The following LRRC7 variants were observed in gnomAD, a reference collection of about 807,000 sequenced individuals.
LRRC7 encodes the protein leucine rich repeat containing 7, also known as leucine-rich repeat-containing protein 7.
In LRRC7, 23 loss-of-function variants were observed where a neutral mutation model predicts 175.7. That is an observed-to-expected ratio of 0.13 (90% CI 0.09 to 0.19). The LOEUF is 0.19. Ranked by LOEUF, LRRC7 falls within the 10% of genes least tolerant of loss-of-function variation. The pLI, the probability that LRRC7 is intolerant of heterozygous loss-of-function variation, is 1.00. For synonymous variants in LRRC7, 685 were observed against 680.9 expected (o/e 1.01, Z -0.09); for missense variants, 1,354 against 1,904.7 (o/e 0.71, Z 5.38).
intron 5 of LRRC7, among the ~76,000 whole-genome samples, chr1:69,826,709 G>C (rs550196538): frequency 2.6e-5 from 4 of 152,084 alleles, no homozygotes; most frequent in African/African-American, 9.7e-5. Context: ...AAAATTCCTC[G>C]ATCTTTTGTC....
intron 1 of LRRC7, among the ~76,000 whole-genome samples, chr1:69,618,056 C>A (rs531988885): frequency 6.6e-6 from 1 of 152,058 alleles, no homozygotes. Context: ...ATCCCTACTA[C>A]GGTGGTGGTG....
chr1:69,894,364 C>A (rs1645920701), intron 7 of LRRC7, among the ~76,000 whole-genome samples: 1 of 152,140 alleles, frequency 6.6e-6, no homozygotes, highest in South Asian at 2.1e-4. Context: ...AATTACTATG[C>A]ACAGCTGAAT....
chr1:69,624,921 T>C (rs931477653), intron 1 of LRRC7, among the ~76,000 whole-genome samples: 1 of 152,104 alleles, frequency 6.6e-6, no homozygotes, highest in African/African-American at 2.4e-5. Context: ...ATTTATACCA[T>C]TTGTGAGAAT....
intron 2 of LRRC7, chr1:69,716,025 G>A (rs1047859640): frequency 5.2e-6 from 2 of 381,302 alleles, no homozygotes; most frequent in Non-Finnish European, 9.7e-6. Flanking sequence ...GACAATTAGG[G>A]AAGCATCTGA....
chr1:70,026,429 T>C (rs1658105336), intron 17 of LRRC7, among the ~76,000 whole-genome samples: 2 of 152,288 alleles, frequency 1.3e-5, no homozygotes, highest in South Asian at 4.1e-4. Flanking sequence ...TATACTTAAT[T>C]TGTGATTAAC....
intron 8 of LRRC7, among the ~76,000 whole-genome samples, chr1:69,972,048 G>A (rs180677053): frequency 2.6e-5 from 4 of 152,126 alleles, no homozygotes; most frequent in South Asian, 2.1e-4. Context: ...AACAAATAGC[G>A]CTGGGATAAT....
At position 69,929,458 on chromosome 1, in the gene LRRC7, T is replaced by G. The variant is rs574400215; in HGVS notation, c.648-2049T>G. ...TAGTTGTTCAGACCAAAACACACCTTTAGTCACAGTCAGCTCTCATTCCCC... is the reference window on the plus strand; with the variant it reads ...TAGTTGTTCAGACCAAAACACACCTGTAGTCACAGTCAGCTCTCATTCCCC... On this transcript the variant is annotated intron_variant, in intron 7 of 26. Coordinates refer to ENST00000651989, the MANE Select transcript of LRRC7 (RefSeq NM_001370785.2). 4.2e-4 allele frequency among the ~76,000 whole-genome samples: 64 copies of G among 152,260 alleles called. 1 individual carries two copies. Among genetic ancestry groups the G allele is most frequent in the Non-Finnish European group, 1.8e-4 (12 of 68,012 alleles).
At chr1:69,653,725 C>G (rs1656198215) in intron 1 of LRRC7, among the ~76,000 whole-genome samples, 1 of 152,010 alleles carries the variant, frequency 6.6e-6, no homozygotes, top group Non-Finnish European at 1.5e-5. Flanking sequence ...CAGCCTTTTT[C>G]ACAATAGCCG....
chr1:69,869,130 G>A (rs911776721), intron 7 of LRRC7, among the ~76,000 whole-genome samples: 1 of 151,968 alleles, frequency 6.6e-6, no homozygotes, highest in Non-Finnish European at 1.5e-5. Flanking sequence ...GAGTGATGTG[G>A]TTAAATTTCA....
At chr1:69,906,412 A>G (rs1646313345) in intron 7 of LRRC7, among the ~76,000 whole-genome samples, 1 of 152,188 alleles carries the variant, frequency 6.6e-6, no homozygotes, top group Non-Finnish European at 1.5e-5. Context: ...GTAAGTCTTC[A>G]ATCCATCTTG....
intron 3 of LRRC7, among the ~76,000 whole-genome samples, chr1:69,780,591 A>G (rs1557717138): frequency 6.6e-6 from 1 of 152,188 alleles, no homozygotes; most frequent in Non-Finnish European, 1.5e-5. Context: ...TTCACCAAGT[A>G]TGTATATAAA....
intron 2 of LRRC7, among the ~76,000 whole-genome samples, chr1:69,682,664 T>C (rs1660640062): frequency 6.6e-6 from 1 of 152,126 alleles, no homozygotes; most frequent in Non-Finnish European, 1.5e-5. Context: ...ACTTACCATC[T>C]ACCAAATCTG....
chr1:70,111,745 G>A (rs1274284571), intron 26 of LRRC7, among the ~76,000 whole-genome samples: 3 of 152,126 alleles, frequency 2.0e-5, no homozygotes, highest in East Asian at 1.9e-4. Context: ...ATTCACAGTT[G>A]TAACCTAAAA....
chr1:69,618,424 A>G (rs1650026291), intron 1 of LRRC7, among the ~76,000 whole-genome samples: 1 of 152,110 alleles, frequency 6.6e-6, no homozygotes, highest in South Asian at 2.1e-4. Flanking sequence ...AAGTTCTTTC[A>G]TCTTCATTCC....
chr1:69,834,730 G>A (rs758784486), intron 5 of LRRC7, 50 bp from the exon 6 acceptor site: 5 of 1,372,008 alleles, frequency 3.6e-6, no homozygotes, highest in Admixed American at 1.8e-5. Context: ...TTTTTGTTCT[G>A]TTTCTATAGC....
chr1:69,641,167 C>G (rs995194993), intron 1 of LRRC7, among the ~76,000 whole-genome samples: 2 of 151,610 alleles, frequency 1.3e-5, no homozygotes, highest in Admixed American at 1.3e-4. Context: ...AATTCACTCA[C>G]TCTGGAACAA....
chr1:70,105,151 G>T (rs1571336829), intron 25 of LRRC7, among the ~76,000 whole-genome samples: 1 of 152,100 alleles, frequency 6.6e-6, no homozygotes, highest in African/African-American at 2.4e-5. Flanking sequence ...AGAACCATGG[G>T]GATTATATTT....
intron 8 of LRRC7, among the ~76,000 whole-genome samples, chr1:69,938,969 A>G (rs1423943230): frequency 7.0e-6 from 1 of 142,850 alleles, no homozygotes; most frequent in East Asian, 2.1e-4. Flanking sequence ...ATTTTTCTGC[A>G]TTTGTAAAGC....
At chr1:70,097,908 G>A (rs1314865121) in intron 25 of LRRC7, among the ~76,000 whole-genome samples, 3 of 148,838 alleles carry the variant, frequency 2.0e-5, no homozygotes, top group African/African-American at 5.0e-5. Context: ...TGTGAATAAT[G>A]CTGCAATAAA....
Sources: allele counts gnomAD v4.1 joint callset (sites outside exome capture counted in the v4.1 genomes callset), GRCh38; gene constraint gnomAD v4.1.1; transcripts MANE v1.5; gene names NCBI Gene and HGNC (gene_info 2026-07-23, HGNC 2026-07-21).